ANK3: variants seen among roughly 807,000 people sequenced by gnomAD.
ANK3 encodes ankyrin 3.
In ANK3, 57 loss-of-function variants were observed where a neutral mutation model predicts 370.9. That is an observed-to-expected ratio of 0.15 (90% CI 0.12 to 0.19). The LOEUF (loss-of-function observed/expected upper bound fraction) is 0.19, where lower values mean the gene tolerates loss of function less well. Among genes scored for constraint, ANK3 ranks in the 10% least tolerant of loss-of-function variants. The pLI, the probability that ANK3 is intolerant of heterozygous loss-of-function variation, is 1.00. For synonymous variants in ANK3, 1,929 were observed against 1,946.3 expected, an observed-to-expected ratio of 0.99 and a Z score of 0.23; for missense variants, 4,439 against 5,302.1, an observed-to-expected ratio of 0.84 and a Z score of 5.06.
chr10:60,557,728 G>A (rs2154392), intron 2 of ANK3, among the ~76,000 whole-genome samples: 105,143 of 152,028 alleles, frequency 0.69, 36,777 homozygotes, highest in South Asian at 0.88. Flanking sequence ...CATGACCTAC[G>A]TGTAAGCAAT....
chr10:60,071,532 T>C lies in ANK3; in HGVS notation c.9349A>G (p.Ile3117Val), dbSNP rs28932171. The change falls in exon 37 of 44, where the codon ATC (isoleucine) becomes GTC (valine). Residue 3117 changes from isoleucine to valine, a missense_variant. Physicochemically the swap from Ile to Val is conservative, Grantham distance 29. Around this residue, in one of 13 missense-constraint regions of ANK3, gnomAD observed 1,601 missense variants for 1,731.7 expected, o/e 0.92. Coordinates refer to ENST00000280772, the MANE Select transcript of ANK3 (RefSeq NM_020987.5). ...ACTGTCTTACATTCCTGACTTATGA[T>C]TTTTTTTACACCTCCTTGTTGTATC... Reference protein sequence around the residue: ...KEIQQGGVKKIISQECKTVQE... With the variant: ...KEIQQGGVKKVISQECKTVQE... 0.092 allele frequency: 148,984 copies of C among 1,611,226 alleles called. 7,915 individuals carry two copies. The highest frequency in any genetic ancestry group is 0.11 in the Non-Finnish European group (129,145 of 1,177,622).
intron 2 of ANK3, among the ~76,000 whole-genome samples, chr10:60,435,981 G>A (rs2064146290): frequency 6.6e-6 from 1 of 152,106 alleles, no homozygotes; most frequent in Non-Finnish European, 1.5e-5. Context: ...CAGCTTACTC[G>A]GGAGGCTGAG....
chr10:60,032,049 T>G (rs956883153), intron 43 of ANK3, among the ~76,000 whole-genome samples: 1 of 152,042 alleles, frequency 6.6e-6, no homozygotes, highest in Non-Finnish European at 1.5e-5. Context: ...AATCCTAATC[T>G]TGTAGGCACC....
At chr10:60,146,861 T>A (rs1464566771) in intron 23 of ANK3, among the ~76,000 whole-genome samples, 1 of 152,150 alleles carries the variant, frequency 6.6e-6, no homozygotes, top group Non-Finnish European at 1.5e-5. Context: ...ACATTACTTT[T>A]CCCTTGATCT....
chr10:60,638,807 T>G (rs2078590745), intron 1 of ANK3, among the ~76,000 whole-genome samples: 2 of 152,068 alleles, frequency 1.3e-5, no homozygotes, highest in Admixed American at 1.3e-4. Flanking sequence ...ATCAATGAGT[T>G]TGAAGACAGA....
intron 2 of ANK3, among the ~76,000 whole-genome samples, chr10:60,528,978 T>C (rs1356313658): frequency 1.3e-5 from 2 of 152,094 alleles, no homozygotes; most frequent in East Asian, 3.9e-4. Flanking sequence ...ACTAACCCAA[T>C]ATGGACATTT....
chr10:60,196,683 C>T, intron 14 of ANK3, 58 bp from the exon 15 acceptor site: 1 of 1,127,006 alleles, frequency 8.9e-7, no homozygotes, highest in Non-Finnish European at 1.3e-6. Flanking sequence ...GGAAAACACA[C>T]ACAAAACCCA....
intron 8 of ANK3, among the ~76,000 whole-genome samples, chr10:60,223,619 A>C (rs1326917384): frequency 1.3e-5 from 2 of 152,102 alleles, no homozygotes; most frequent in Non-Finnish European, 2.9e-5. Context: ...GTGAAAAAAA[A>C]TATTTTCTAG....
At position 60,198,342 on chromosome 10, in the gene ANK3, T is replaced by C. The variant is rs1159998356; in HGVS notation, c.1687A>G (p.Lys563Glu). The change falls in exon 14 of 44, where the codon AAG (lysine) becomes GAG (glutamate). Residue 563 changes from lysine (K) to glutamate (E), a missense_variant and splice_region_variant. Physicochemically the swap from Lys to Glu is moderately conservative, Grantham distance 56. Coordinates refer to ENST00000280772, the MANE Select transcript of ANK3 (RefSeq NM_020987.5). ...DHGASLSITT[K>E]KGFTPLHVAA... The stretch of plus-strand genomic sequence containing the variant: ...GATTCTGAGATTTGCTTTCATACCT[T>C]TGTTGTTATAGATAAAGACGCTCCA... 1 of 1,614,000 alleles carries C rather than the reference T, an allele frequency of 6.2e-7. No homozygotes were observed. Among genetic ancestry groups the C allele is most frequent in the South Asian group, 1.1e-5 (1 of 91,076 alleles).
chr10:60,477,602 C>T (rs116717469), intron 2 of ANK3, among the ~76,000 whole-genome samples: 3,514 of 149,600 alleles, frequency 0.023, 150 homozygotes, highest in African/African-American at 0.082. Flanking sequence ...TGTTACAGGG[C>T]TATTAAAACC....
intron 12 of ANK3, among the ~76,000 whole-genome samples, chr10:60,200,803 G>A (rs1387958380): frequency 2.6e-5 from 4 of 152,208 alleles, no homozygotes; most frequent in Admixed American, 1.3e-4. Flanking sequence ...GCCAAGGGCT[G>A]GATTTGGCTT....
chr10:60,459,465 C>A (rs1012795613), intron 2 of ANK3, among the ~76,000 whole-genome samples: 1 of 152,126 alleles, frequency 6.6e-6, no homozygotes, highest in South Asian at 2.1e-4. Flanking sequence ...CCTGTTGCTG[C>A]TACCTTTGTT....
At chr10:60,030,134 C>T (rs2073070948) in intron 43 of ANK3, among the ~76,000 whole-genome samples, 1 of 151,548 alleles carries the variant, frequency 6.6e-6, no homozygotes, top group Non-Finnish European at 1.5e-5. Flanking sequence ...TGCACCAGAC[C>T]ACCTGGTTCA....
chr10:60,678,416 T>C (rs2079154288), intron 1 of ANK3, among the ~76,000 whole-genome samples: 1 of 152,186 alleles, frequency 6.6e-6, no homozygotes, highest in Non-Finnish European at 1.5e-5. Context: ...GAGTTTGGCA[T>C]AGCTTTTAAG....
intron 38 of ANK3, among the ~76,000 whole-genome samples, chr10:60,066,541 A>G (rs1433463846): frequency 1.3e-5 from 1 of 74,188 alleles, no homozygotes; most frequent in African/African-American, 5.2e-5. Flanking sequence ...TTAGCAGTAT[A>G]CCTGAGAGCA....
chr10:60,375,460 T>C (rs1472519972), intron 1 of ANK3, among the ~76,000 whole-genome samples: 1 of 151,586 alleles, frequency 6.6e-6, no homozygotes, highest in Non-Finnish European at 1.5e-5. Context: ...GGGAGGCCTT[T>C]AGTGAGAACT....
chr10:60,335,509 A>C (rs1023759426), intron 1 of ANK3, among the ~76,000 whole-genome samples: 12 of 152,166 alleles, frequency 7.9e-5, no homozygotes, highest in Admixed American at 6.5e-4. Flanking sequence ...TGAATGTGGC[A>C]GGTTGGCCCA....
chr10:60,331,231 G>T (rs1401271531), intron 1 of ANK3, among the ~76,000 whole-genome samples: 2 of 151,236 alleles, frequency 1.3e-5, no homozygotes, highest in African/African-American at 4.9e-5. Flanking sequence ...AAACCTGTAC[G>T]TTCTGCACAT....
intron 1 of ANK3, among the ~76,000 whole-genome samples, chr10:60,361,141 GA>G (rs1269286008): frequency 6.6e-6 from 1 of 152,148 alleles, no homozygotes; most frequent in African/African-American, 2.4e-5. Context: ...TCTATTTTTT[GA>G]AATCTTTCTT....
Sources: gnomAD v4.1 joint callset for allele counts (sites outside exome capture counted in the v4.1 genomes callset) on GRCh38, gnomAD v4.1.1 for gene constraint, gnomAD v4.1.1 regional missense constraint, MANE v1.5 for transcripts, NCBI Gene and HGNC (gene_info 2026-07-23, HGNC 2026-07-21) for gene names.